The following PRKN variants were observed in gnomAD, a reference collection of about 807,000 sequenced individuals.
The protein encoded by PRKN is E3 ubiquitin-protein ligase parkin.
A neutral mutation model predicts 59.5 loss-of-function variants in PRKN; 56 were observed. That is an observed-to-expected ratio of 0.94 (90% CI 0.76 to 1.18). PRKN has a LOEUF of 1.18. Ranked by LOEUF, PRKN falls within the 50% of genes most tolerant of loss-of-function variation. The probability of loss-of-function intolerance (pLI) is 0.00; values close to 1 mark genes in which losing one functional copy is unlikely to be tolerated. For synonymous variants in PRKN, 250 were observed against 222.1 expected, an observed-to-expected ratio of 1.13 and a Z score of -1.12; for missense variants, 657 against 596.4, an observed-to-expected ratio of 1.10 and a Z score of -1.06.
chr6:162,244,498 A>C (rs1445411108), intron 3 of PRKN, among the ~76,000 whole-genome samples: 1 of 152,126 alleles, frequency 6.6e-6, no homozygotes, highest in Non-Finnish European at 1.5e-5. Context: ...TATTATATAA[A>C]GTTTCTCATT....
At chr6:161,586,933 T>C (rs561636308) in intron 7 of PRKN, among the ~76,000 whole-genome samples, 55 of 152,302 alleles carry the variant, frequency 3.6e-4, no homozygotes, top group Non-Finnish European at 5.6e-4. Context: ...AAGCTACATA[T>C]AATGAGACTG....
rs148978469 is a variant in PRKN at position 161,808,036 on chromosome 6, T to G, written c.735-22128A>C. On this transcript the variant is annotated intron_variant, in intron 6 of 11. Coordinates refer to ENST00000366898, the MANE Select transcript of PRKN (RefSeq NM_004562.3). ...TTCCTGTATTGTGCGATCTTGAATT[T>G]TCCAGAGTAATTGACTTAATCTATT... Among the ~76,000 whole-genome samples the G allele has an allele frequency of 6.8e-3, 1,028 of 152,294 alleles. 14 individuals carry two copies. Among genetic ancestry groups the G allele is most frequent in the African/African-American group, 0.024 (984 of 41,564 alleles).
chr6:161,837,276 TG>T (rs996517943), intron 6 of PRKN, among the ~76,000 whole-genome samples: 2 of 152,040 alleles, frequency 1.3e-5, no homozygotes, highest in African/African-American at 4.8e-5. Context: ...GCTAATGGCC[TG>T]GGTTGAATAA....
intron 1 of PRKN, among the ~76,000 whole-genome samples, chr6:162,550,701 C>T (rs1028145843): frequency 2.0e-5 from 3 of 152,048 alleles, no homozygotes; most frequent in East Asian, 1.9e-4. Context: ...AAACAGAAAG[C>T]GTCAAGTCTC....
intron 2 of PRKN, among the ~76,000 whole-genome samples, chr6:162,385,391 C>T (rs1036489172): frequency 3.9e-5 from 6 of 152,178 alleles, no homozygotes; most frequent in African/African-American, 1.4e-4. Flanking sequence ...ACATAAATGT[C>T]ACCACACAAA....
At chr6:162,723,678 C>T (rs1242269436) in intron 1 of PRKN, among the ~76,000 whole-genome samples, 1 of 152,180 alleles carries the variant, frequency 6.6e-6, no homozygotes. Flanking sequence ...GTAAAATCTA[C>T]AAACTCTTTA....
chr6:161,899,529 G>A (rs1220741877), intron 6 of PRKN, among the ~76,000 whole-genome samples: 2 of 152,194 alleles, frequency 1.3e-5, no homozygotes, highest in African/African-American at 4.8e-5. Context: ...AAGTGGGGTT[G>A]AGGGGAATGT....
intron 2 of PRKN, among the ~76,000 whole-genome samples, chr6:162,352,732 G>C (rs1162104094): frequency 6.6e-6 from 1 of 152,056 alleles, no homozygotes; most frequent in Non-Finnish European, 1.5e-5. Context: ...TCTCTAATTA[G>C]TACTTGCTTA....
Position 162,591,028 on chromosome 6 carries a change from A to G in PRKN, c.7+136634T>C, listed in dbSNP as rs527374092. ...TGTCTCATGGGGGGCCCTCCTCTGA[A>G]GGAACAGGAGCCAGATTCCTGAATG... is the stretch of plus-strand genomic sequence containing the variant. On this transcript the variant is annotated intron_variant, in intron 1 of 11. Coordinates refer to ENST00000366898, the MANE Select transcript of PRKN (RefSeq NM_004562.3). 2.0e-5 allele frequency among the ~76,000 whole-genome samples: 3 copies of G among 152,164 alleles called. No homozygotes were observed. In the East Asian group the frequency reaches 5.8e-4, roughly 30 times the overall value.
At chr6:161,859,988 C>T (rs1051718260) in intron 6 of PRKN, among the ~76,000 whole-genome samples, 5 of 152,150 alleles carry the variant, frequency 3.3e-5, no homozygotes, top group African/African-American at 9.7e-5. Context: ...CTACTAGTCT[C>T]GTGATAACAG....
Position 161,397,871 on chromosome 6 carries a change from CCAATGGTT to C in PRKN, c.1084-11002_1084-10995del, listed in dbSNP as rs923731965. On this transcript the variant is annotated intron_variant, in intron 9 of 11. Transcript: ENST00000366898. This position sits in a 1 kb window ranked among gnomAD's most constrained non-coding sequence, Gnocchi z 4.2. Reference sequence around the variant, plus strand: ...TGACCTCGGAGGCCATAATTTTGGTCCAATGGTTCAATGGTCAGCTAGATTCAGAGGCT... The same window carrying C: ...TGACCTCGGAGGCCATAATTTTGGTCCAATGGTCAGCTAGATTCAGAGGCT... 1.3e-5 allele frequency among the ~76,000 whole-genome samples: 2 copies of C among 151,980 alleles called. No homozygotes were observed. The highest frequency in any genetic ancestry group is 6.6e-5 in the Admixed American group (1 of 15,246).
At chr6:161,978,818 G>A (rs1781150670) in intron 5 of PRKN, among the ~76,000 whole-genome samples, 1 of 152,234 alleles carries the variant, frequency 6.6e-6, no homozygotes, top group African/African-American at 2.4e-5. Context: ...TCTAGCGTGT[G>A]CAGGGGTTGG....
chr6:162,029,344 A>G (rs1045532735), intron 5 of PRKN, among the ~76,000 whole-genome samples: 23 of 152,294 alleles, frequency 1.5e-4, no homozygotes, highest in African/African-American at 5.3e-4. Context: ...GCAACATCAA[A>G]TATTTACCAT....
Position 162,262,748 on chromosome 6 carries a change from C to A in PRKN, c.189G>T (p.Gln63His). Residue 63 changes from glutamine to histidine, a missense_variant, in exon 3 of 12, where the codon CAG (glutamine) becomes CAT (histidine). Gln to His is a conservative substitution (Grantham distance 24). Transcript: ENST00000366898. ...TCTGCACAATGTGAACAATGCTCTGCTGATCCAGGTCACAATTCTGTTTGG... is the reference window on the plus strand; with the variant it reads ...TCTGCACAATGTGAACAATGCTCTGATGATCCAGGTCACAATTCTGTTTGG... ...DWTVQNCDLD[Q>H]QSIVHIVQRP... is the part of the protein sequence containing the mutation. The A allele has an allele frequency of 6.3e-7, 1 of 1,598,726 alleles. No homozygotes were observed. The highest frequency in any genetic ancestry group is 8.5e-7 in the Non-Finnish European group (1 of 1,174,194).
rs1437856852 is a variant in PRKN, at chr6:161,456,634, C to A, written c.1084-69757G>T. Among the ~76,000 whole-genome samples the A allele has an allele frequency of 2.0e-5, 3 of 151,012 alleles. No homozygotes were observed. Among genetic ancestry groups the A allele is most frequent in the African/African-American group, 4.9e-5 (2 of 40,880 alleles). On this transcript the variant is annotated intron_variant, in intron 9 of 11. Coordinates refer to ENST00000366898, the MANE Select transcript of PRKN (RefSeq NM_004562.3). This position sits in a 1 kb window ranked among gnomAD's most constrained non-coding sequence, Gnocchi z 4.8. ...CCCTGACTAATAATCTCCCACATCA[C>A]CAGCTTGAATCCTGCCCAAGAATAA...
In PRKN at chr6:162,620,812, C is replaced by T. The variant is rs960133360; in HGVS notation, c.7+106850G>A. On this transcript the variant is annotated intron_variant, in intron 1 of 11. Coordinates refer to ENST00000366898, the MANE Select transcript of PRKN (RefSeq NM_004562.3). Reference sequence around the variant, plus strand: ...TAAGCAATCCTCCTGCCTTAGCCTTCCAAAGTGTTGGGATGACAGGCATGA... The same window carrying T: ...TAAGCAATCCTCCTGCCTTAGCCTTTCAAAGTGTTGGGATGACAGGCATGA... Among the ~76,000 whole-genome samples the T allele has an allele frequency of 2.6e-5, 4 of 152,160 alleles. 1 individual carries two copies. Among genetic ancestry groups the T allele is most frequent in the African/African-American group, 9.7e-5 (4 of 41,430 alleles).
intron 4 of PRKN, among the ~76,000 whole-genome samples, chr6:162,145,098 T>C (rs1291681802): frequency 1.3e-5 from 2 of 152,168 alleles, no homozygotes; most frequent in Admixed American, 6.5e-5. Context: ...AGGTATTCAC[T>C]TCAACGCAAT....
intron 3 of PRKN, among the ~76,000 whole-genome samples, chr6:162,218,227 TG>T (rs1562589498): frequency 6.6e-6 from 1 of 152,146 alleles, no homozygotes; most frequent in Non-Finnish European, 1.5e-5. Context: ...GAAGCCCCTC[TG>T]GGGAAGGACA....
chr6:162,156,499 A>C (rs1408414997), intron 4 of PRKN, among the ~76,000 whole-genome samples: 1 of 152,200 alleles, frequency 6.6e-6, no homozygotes, highest in Non-Finnish European at 1.5e-5. Context: ...GTAAGAGTCC[A>C]AAAGTTGAAG....
Sources: allele counts gnomAD v4.1 joint callset (sites outside exome capture counted in the v4.1 genomes callset), GRCh38; gene constraint gnomAD v4.1.1; non-coding constraint Gnocchi (gnomAD v3.1); transcripts MANE v1.5; gene names NCBI Gene and HGNC (gene_info 2026-07-23, HGNC 2026-07-21).